NAALADL2: variants seen among roughly 807,000 people sequenced by gnomAD.
The protein encoded by NAALADL2 is N-acetylated alpha-linked acidic dipeptidase like 2.
A neutral mutation model predicts 87.2 loss-of-function variants in NAALADL2; 76 were observed. That is an observed-to-expected ratio of 0.87 (90% CI 0.72 to 1.05). The LOEUF is 1.05. Among genes scored for constraint, NAALADL2 ranks in the 50% least tolerant of loss-of-function variants. The probability of loss-of-function intolerance (pLI) is 0.00; values close to 1 mark genes in which losing one functional copy is unlikely to be tolerated. For missense variants in NAALADL2, 1,089 were observed against 945.8 expected, an observed-to-expected ratio of 1.15 and a Z score of -1.99; for synonymous variants, 354 against 331.0, an observed-to-expected ratio of 1.07 and a Z score of -0.75.
At chr3:174,446,432 T>G (rs1287870962) in intron 1 of NAALADL2, among the ~76,000 whole-genome samples, 1 of 152,200 alleles carries the variant, frequency 6.6e-6, no homozygotes, top group Admixed American at 6.5e-5. Context: ...TCTTTAGTTT[T>G]AGGATTTTAG....
At chr3:174,644,220 T>C (rs536175699) in intron 2 of NAALADL2, among the ~76,000 whole-genome samples, 16 of 152,358 alleles carry the variant, frequency 1.1e-4, no homozygotes, top group African/African-American at 3.6e-4. Flanking sequence ...TGACAGAGTA[T>C]GCAATCTGCA....
intron 1 of NAALADL2, among the ~76,000 whole-genome samples, chr3:174,529,587 C>G (rs1721059141): frequency 6.6e-6 from 1 of 152,210 alleles, no homozygotes; most frequent in South Asian, 2.1e-4. Flanking sequence ...AGAGCCCTGC[C>G]CCTGCAGCAA....
chr3:174,466,523 A>G (rs1169850208), intron 1 of NAALADL2, among the ~76,000 whole-genome samples: 1 of 152,176 alleles, frequency 6.6e-6, no homozygotes, highest in Non-Finnish European at 1.5e-5. Context: ...TCAGGTGACC[A>G]CTAGTAGTTG....
chr3:175,775,483 C>T (rs990182143), intron 13 of NAALADL2, among the ~76,000 whole-genome samples: 1 of 151,994 alleles, frequency 6.6e-6, no homozygotes, highest in African/African-American at 2.4e-5. Context: ...AACAAATGAA[C>T]AAACAAACTG....
intron 2 of NAALADL2, among the ~76,000 whole-genome samples, chr3:174,638,354 A>C (rs1405319009): frequency 6.6e-6 from 1 of 152,160 alleles, no homozygotes; most frequent in African/African-American, 2.4e-5. Flanking sequence ...CCAATTTTAC[A>C]ATATAGTATT....
chr3:174,683,782 G>C (rs1222012090), intron 2 of NAALADL2, among the ~76,000 whole-genome samples: 1 of 151,800 alleles, frequency 6.6e-6, no homozygotes, highest in East Asian at 1.9e-4. Context: ...AATTCAACTT[G>C]ATAATTTTTC....
chr3:174,662,292 G>C (rs1725576510), intron 2 of NAALADL2, among the ~76,000 whole-genome samples: 2 of 152,068 alleles, frequency 1.3e-5, no homozygotes, highest in South Asian at 4.1e-4. Context: ...GAAGTGGAGA[G>C]TATAAGCAGT....
chr3:175,203,379 T>C (rs932438293), intron 2 of NAALADL2, among the ~76,000 whole-genome samples: 2 of 152,070 alleles, frequency 1.3e-5, no homozygotes, highest in African/African-American at 4.8e-5. Context: ...TCAAGTAAGG[T>C]CAGAAACTTC....
At position 174,993,795 on chromosome 3, in the gene NAALADL2, G is replaced by A. The variant is rs947032643; in HGVS notation, c.44-102995G>A. Among the ~76,000 whole-genome samples the A allele has an allele frequency of 4.6e-5, 7 of 152,144 alleles. No homozygotes were observed. The South Asian group carries it at 6.2e-4, about 13-fold the overall frequency. ...AAATGATTCTGTCACAGTCCTTCAGGATAGAAGTGTGAAATCAAGGTGTTC... is the reference window on the plus strand; with the variant it reads ...AAATGATTCTGTCACAGTCCTTCAGAATAGAAGTGTGAAATCAAGGTGTTC... On this transcript the variant is annotated intron_variant, in intron 1 of 13. Coordinates refer to ENST00000454872, the MANE Select transcript of NAALADL2 (RefSeq NM_207015.3).
chr3:175,177,008 G>A (rs1191262561), intron 2 of NAALADL2, among the ~76,000 whole-genome samples: 4 of 152,090 alleles, frequency 2.6e-5, no homozygotes, highest in Admixed American at 1.3e-4. Context: ...ACCGTAGACT[G>A]TGTGAAAGAA....
At chr3:175,471,381 A>G (rs1724845210) in intron 8 of NAALADL2, among the ~76,000 whole-genome samples, 1 of 151,280 alleles carries the variant, frequency 6.6e-6, no homozygotes, top group East Asian at 2.0e-4. Context: ...CTACTGAGGC[A>G]GGAGAATGGC....
In NAALADL2 at chr3:175,647,975, T is replaced by G. The variant is rs188602860; in HGVS notation, c.1896+20589T>G. Among the ~76,000 whole-genome samples, 77 of 152,330 alleles carry G rather than the reference T, an allele frequency of 5.1e-4. 2 individuals are homozygous for G. The East Asian group carries it at 0.01, about 20-fold the overall frequency. The stretch of plus-strand genomic sequence containing the variant: ...TGGTCTAGATCTGGGGTACCCCCAG[T>G]AGATCTTTGTACTAACATTCAACAC... On this transcript the variant is annotated intron_variant, in intron 11 of 13. Coordinates refer to ENST00000454872, the MANE Select transcript of NAALADL2 (RefSeq NM_207015.3).
At chr3:175,279,084 C>G (rs1753954727) in intron 4 of NAALADL2, among the ~76,000 whole-genome samples, 1 of 152,082 alleles carries the variant, frequency 6.6e-6, no homozygotes, top group Admixed American at 6.6e-5. Flanking sequence ...TGCAAATCTA[C>G]CAGAGCAATT....
chr3:174,973,337 GTTAAA>G (rs1269676413), intron 1 of NAALADL2, among the ~76,000 whole-genome samples: 1 of 152,108 alleles, frequency 6.6e-6, no homozygotes, highest in Non-Finnish European at 1.5e-5. Context: ...AAGAATTTTG[GTTAAA>G]TTAAGATGTT....
At chr3:175,603,277 A>T (rs960548049) in intron 10 of NAALADL2, among the ~76,000 whole-genome samples, 1 of 152,154 alleles carries the variant, frequency 6.6e-6, no homozygotes, top group Non-Finnish European at 1.5e-5. Flanking sequence ...GCCCTATACC[A>T]TCTCTTTTAC....
At chr3:174,453,839 A>G (rs1219566368) in intron 1 of NAALADL2, among the ~76,000 whole-genome samples, 1 of 152,160 alleles carries the variant, frequency 6.6e-6, no homozygotes, top group Non-Finnish European at 1.5e-5. Context: ...ACACTATAAA[A>G]CAGCCACACA....
intron 5 of NAALADL2, among the ~76,000 whole-genome samples, chr3:175,344,763 T>A (rs1349163138): frequency 1.3e-5 from 2 of 152,146 alleles, no homozygotes; most frequent in Non-Finnish European, 2.9e-5. Context: ...AGATTACAAC[T>A]TTCATATTAA....
chr3:174,900,768 A>T (rs1481763135), intron 1 of NAALADL2, among the ~76,000 whole-genome samples: 1 of 152,116 alleles, frequency 6.6e-6, no homozygotes, highest in African/African-American at 2.4e-5. Context: ...TAAAAAAATT[A>T]ACATTGTATG....
chr3:174,534,198 A>C (rs887055681), intron 1 of NAALADL2, among the ~76,000 whole-genome samples: 2 of 152,210 alleles, frequency 1.3e-5, no homozygotes, highest in African/African-American at 4.8e-5. Context: ...TGTGCTATGA[A>C]ACCATTTAAA....
Sources: allele counts gnomAD v4.1 joint callset (sites outside exome capture counted in the v4.1 genomes callset), GRCh38; gene constraint gnomAD v4.1.1; transcripts MANE v1.5; gene names NCBI Gene and HGNC (gene_info 2026-07-23, HGNC 2026-07-21).